ASIC2: variants seen among roughly 807,000 people sequenced by gnomAD.
ASIC2 encodes the protein acid sensing ion channel subunit 2, also known as acid-sensing ion channel 2.
A neutral mutation model predicts 57.3 loss-of-function variants in ASIC2; 25 were observed. The observed-to-expected ratio is 0.44, with a 90% CI of 0.32 to 0.61. ASIC2 has a LOEUF of 0.61. Among genes scored for constraint, ASIC2 ranks in the 20% least tolerant of loss-of-function variants. ASIC2 has a pLI of 0.06. For missense variants in ASIC2, 641 were observed against 738.1 expected (o/e 0.87, Z 1.52); for synonymous variants, 319 against 307.5 (o/e 1.04, Z -0.39).
At chr17:33,641,622 T>C (rs1906566910) in intron 1 of ASIC2, among the ~76,000 whole-genome samples, 1 of 152,194 alleles carries the variant, frequency 6.6e-6, no homozygotes, top group South Asian at 2.1e-4. Context: ...TGTGCCTCAC[T>C]TTATCATCCC....
intron 1 of ASIC2, among the ~76,000 whole-genome samples, chr17:33,964,238 T>G (rs1234353964): frequency 6.6e-6 from 1 of 152,194 alleles, no homozygotes; most frequent in Non-Finnish European, 1.5e-5. Flanking sequence ...GCTTCGACTT[T>G]CTGACTCCAC....
chr17:33,774,635 C>T (rs1318055669), intron 1 of ASIC2, among the ~76,000 whole-genome samples: 1 of 152,176 alleles, frequency 6.6e-6, no homozygotes, highest in Admixed American at 6.5e-5. Flanking sequence ...TTTTATATCC[C>T]ATTGACCAAA....
At chr17:33,903,025 G>A (rs1915264941) in intron 1 of ASIC2, among the ~76,000 whole-genome samples, 1 of 152,102 alleles carries the variant, frequency 6.6e-6, no homozygotes, top group Non-Finnish European at 1.5e-5. Flanking sequence ...CCTCAACAAA[G>A]CAGTATCCAT....
chr17:33,241,239 A>G (rs1294517815), intron 1 of ASIC2, among the ~76,000 whole-genome samples: 1 of 152,244 alleles, frequency 6.6e-6, no homozygotes, highest in African/African-American at 2.4e-5. Flanking sequence ...TACTTTATTA[A>G]GACTTACAGG....
intron 1 of ASIC2, among the ~76,000 whole-genome samples, chr17:33,968,558 G>A (rs1050505107): frequency 6.6e-6 from 1 of 152,210 alleles, no homozygotes; most frequent in South Asian, 2.1e-4. Flanking sequence ...GGGAGGAGAT[G>A]CTGTTTCTTA....
At chr17:33,671,807 A>G (rs1303951218) in intron 1 of ASIC2, among the ~76,000 whole-genome samples, 1 of 152,124 alleles carries the variant, frequency 6.6e-6, no homozygotes, top group Non-Finnish European at 1.5e-5. Context: ...TTTATTAGGA[A>G]CCTGATAAAT....
intron 1 of ASIC2, among the ~76,000 whole-genome samples, chr17:34,139,802 G>A (rs1227215023): frequency 2.0e-5 from 3 of 152,150 alleles, no homozygotes; most frequent in African/African-American, 4.8e-5. Context: ...TAATGGGTAC[G>A]GGGTTTCTTT....
At position 34,082,812 on chromosome 17, in the gene ASIC2, C is replaced by T. The variant is rs76927175; in HGVS notation, c.555+73166G>A. Among the ~76,000 whole-genome samples the T allele has an allele frequency of 3.0e-3, 450 of 152,278 alleles. 6 individuals carry two copies. Among genetic ancestry groups the T allele is most frequent in the East Asian group, 4.6e-3 (24 of 5,186 alleles). The stretch of plus-strand genomic sequence containing the variant: ...AATTTAAGTAACCAGTCCAGGTCAC[C>T]GTGATGGTAAAGTAGTTGAGTTATG... On this transcript the variant is annotated intron_variant, in intron 1 of 9. Transcript: ENST00000359872.
chr17:34,036,991 G>T (rs1464442376), intron 1 of ASIC2: 1 of 152,514 alleles, frequency 6.6e-6, no homozygotes, highest in African/African-American at 2.4e-5. Flanking sequence ...GCTAATACGG[G>T]TTTCACTTTA....
intron 1 of ASIC2, among the ~76,000 whole-genome samples, chr17:33,652,886 G>C (rs1402938991): frequency 6.6e-6 from 1 of 152,156 alleles, no homozygotes; most frequent in Non-Finnish European, 1.5e-5. Context: ...AAACCTAAAG[G>C]ACCAAATTCC....
chr17:33,183,344 A>G (rs1002015630), intron 1 of ASIC2, among the ~76,000 whole-genome samples: 5 of 152,260 alleles, frequency 3.3e-5, no homozygotes, highest in Non-Finnish European at 5.9e-5. Context: ...AGTGCAAATA[A>G]TGAATATGAG....
At chr17:33,202,670 A>G (rs1447600096) in intron 1 of ASIC2, among the ~76,000 whole-genome samples, 2 of 152,232 alleles carry the variant, frequency 1.3e-5, no homozygotes, top group African/African-American at 4.8e-5. Flanking sequence ...ACTAGATAAG[A>G]GTTGCTATGG....
intron 1 of ASIC2, among the ~76,000 whole-genome samples, chr17:34,146,282 AT>A (rs1392468119): frequency 6.6e-6 from 1 of 152,106 alleles, no homozygotes; most frequent in Non-Finnish European, 1.5e-5. Flanking sequence ...TGAAAAAGGT[AT>A]TTTTTTCTTT....
intron 1 of ASIC2, chr17:33,680,832 T>G (rs1195525363): frequency 6.6e-6 from 1 of 152,240 alleles, no homozygotes; most frequent in African/African-American, 2.4e-5. Flanking sequence ...ATTTTAAATG[T>G]GCGATTTGTT....
chr17:34,088,314 CCT>C (rs1479239619), intron 1 of ASIC2, among the ~76,000 whole-genome samples: 1 of 152,296 alleles, frequency 6.6e-6, no homozygotes, highest in East Asian at 1.9e-4. Context: ...CACTCCAGAC[CCT>C]GTTTGCCTGG....
At chr17:33,573,484 T>C (rs1049301767) in intron 1 of ASIC2, among the ~76,000 whole-genome samples, 1 of 152,186 alleles carries the variant, frequency 6.6e-6, no homozygotes, top group Non-Finnish European at 1.5e-5. Flanking sequence ...CCAAGCTAGA[T>C]ATTATGCTTC....
intron 1 of ASIC2, among the ~76,000 whole-genome samples, chr17:33,142,151 A>T (rs547677563): frequency 2.0e-5 from 3 of 152,342 alleles, no homozygotes; most frequent in South Asian, 4.1e-4. Flanking sequence ...AGCTCCATAC[A>T]TAGTAATTAA....
At chr17:33,087,613 T>C (rs1315855672) in intron 3 of ASIC2, among the ~76,000 whole-genome samples, 1 of 141,276 alleles carries the variant, frequency 7.1e-6, no homozygotes, top group Non-Finnish European at 1.5e-5. Context: ...GGTCTAGCTC[T>C]GTCTCCTAGG....
chr17:33,856,299 A>G (rs2141919771), intron 1 of ASIC2, among the ~76,000 whole-genome samples: 1 of 152,356 alleles, frequency 6.6e-6, no homozygotes, highest in African/African-American at 2.4e-5. Flanking sequence ...AAATGTAGAA[A>G]GCATTTAGAA....
Sources: allele counts gnomAD v4.1 joint callset (sites outside exome capture counted in the v4.1 genomes callset), GRCh38; gene constraint gnomAD v4.1.1; transcripts MANE v1.5; gene names NCBI Gene and HGNC (gene_info 2026-07-23, HGNC 2026-07-21).